TFCP2: variants seen among roughly 807,000 people sequenced by gnomAD.
TFCP2 encodes transcription factor CP2.
Under a neutral mutation model 73.4 loss-of-function variants are expected in TFCP2, and 33 were observed. That is an observed-to-expected ratio of 0.45 (90% confidence interval 0.34 to 0.60). The LOEUF is 0.60. Among genes scored for constraint, TFCP2 ranks in the 20% least tolerant of loss-of-function variants. The pLI is 0.01. For synonymous variants in TFCP2, 193 were observed against 211.6 expected (o/e 0.91, Z 0.76); for missense variants, 352 against 604.0 (o/e 0.58, Z 4.37).
intron 1 of TFCP2, among the ~76,000 whole-genome samples, chr12:51,133,828 A>C (rs1941003145): frequency 6.6e-6 from 1 of 151,752 alleles, no homozygotes; most frequent in Admixed American, 6.6e-5. Flanking sequence ...AGGCTGAGGC[A>C]CAAGAATCAC....
intron 6 of TFCP2, 75 bp from the exon 7 acceptor site, chr12:51,107,421 A>G: frequency 8.3e-7 from 1 of 1,208,474 alleles, no homozygotes; most frequent in East Asian, 2.3e-5. Context: ...AAAAACTTAA[A>G]TATTCATGTA....
intron 1 of TFCP2, among the ~76,000 whole-genome samples, chr12:51,151,863 A>C (rs928691129): frequency 3.9e-5 from 6 of 152,238 alleles, no homozygotes; most frequent in African/African-American, 1.4e-4. Flanking sequence ...TAAAGTAAGA[A>C]TCTATGAGTC....
At chr12:51,172,237 T>C in intron 1 of TFCP2, 64 bp downstream of exon 1, 1 of 1,595,834 alleles carries the variant, frequency 6.3e-7, no homozygotes, top group East Asian at 2.2e-5. Context: ...ACTCAACCCC[T>C]TTTCTTAGTG....
Position 51,172,283 on chromosome 12 carries a change from T to G in TFCP2, c.122+18A>C. 1.2e-6 allele frequency: 2 copies of G among 1,613,774 alleles called. No individual in the cohort carries two copies. Among genetic ancestry groups the G allele is most frequent in the Non-Finnish European group, 1.7e-6 (2 of 1,179,814 alleles). On this transcript the variant is annotated intron_variant, in intron 1 of 14. Coordinates refer to ENST00000257915, the MANE Select transcript of TFCP2 (RefSeq NM_005653.5). ...TTTGTTATTCAGAAGGTGTAGGGTC[T>G]GGGAAAATCTCACTCACCTCATGCT...
chr12:51,160,299 C>T (rs1941622575), intron 1 of TFCP2, among the ~76,000 whole-genome samples: 1 of 152,040 alleles, frequency 6.6e-6, no homozygotes, highest in African/African-American at 2.4e-5. Flanking sequence ...CCATGCCCAG[C>T]TAATTTTTTG....
intron 1 of TFCP2, among the ~76,000 whole-genome samples, chr12:51,129,652 G>C (rs924571171): frequency 1.3e-5 from 2 of 152,016 alleles, no homozygotes; most frequent in African/African-American, 4.8e-5. Flanking sequence ...GTTCTGTAAA[G>C]AGATTTCAAT....
chr12:51,170,995 A>T (rs188925482), intron 1 of TFCP2, among the ~76,000 whole-genome samples: 72 of 152,134 alleles, frequency 4.7e-4, no homozygotes, highest in Admixed American at 4.3e-3. Flanking sequence ...TTAAATTCTA[A>T]CTCATAATTT....
chr12:51,109,131 T>C lies in TFCP2; in HGVS notation c.707A>G (p.Lys236Arg). The C allele has an allele frequency of 5.0e-6, 8 of 1,614,200 alleles. No homozygotes were observed. Among genetic ancestry groups the C allele is most frequent in the Non-Finnish European group, 6.8e-6 (8 of 1,180,020 alleles). Residue 236 changes from lysine to arginine, a missense_variant, in exon 6 of 15, where the codon AAA becomes AGA. Around this residue, in one of 6 missense-constraint regions of TFCP2, gnomAD observed 47 missense variants for 89.1 expected, o/e 0.53. Coordinates refer to ENST00000257915, the MANE Select transcript of TFCP2 (RefSeq NM_005653.5). ...ATTGCCCAGGAATACCTTGAAAACT[T>C]TGATCTGGCAGCTGGCCGAGTGTAA... Reference protein sequence around the residue: ...EHLHSASCQIKVFKPKGADRK... With the variant: ...EHLHSASCQIRVFKPKGADRK...
chr12:51,109,098 G>C, intron 6 of TFCP2, 23 bp downstream of exon 6: 5 of 1,612,414 alleles, frequency 3.1e-6, no homozygotes, highest in Non-Finnish European at 4.2e-6. Context: ...GAATCCAAGG[G>C]CCAGCACATT....
intron 1 of TFCP2, among the ~76,000 whole-genome samples, chr12:51,128,690 G>A (rs1940870293): frequency 6.6e-6 from 1 of 152,142 alleles, no homozygotes; most frequent in Non-Finnish European, 1.5e-5. Flanking sequence ...AAGTTAAGTG[G>A]CTTCACAGAC....
intron 1 of TFCP2, among the ~76,000 whole-genome samples, chr12:51,161,920 A>C (rs1285831293): frequency 1.3e-5 from 2 of 151,498 alleles, no homozygotes; most frequent in African/African-American, 4.8e-5. Context: ...AAAAAACTAA[A>C]GGAAATCAGG....
chr12:51,120,938 GA>G (rs1298897387), intron 1 of TFCP2, among the ~76,000 whole-genome samples: 1 of 136,780 alleles, frequency 7.3e-6, no homozygotes, highest in African/African-American at 2.7e-5. Flanking sequence ...AAGGTAAAAA[GA>G]GTAGTAACAT....
intron 1 of TFCP2, among the ~76,000 whole-genome samples, chr12:51,161,410 G>C (rs1230435265): frequency 6.6e-6 from 1 of 151,924 alleles, no homozygotes; most frequent in African/African-American, 2.4e-5. Context: ...GCTGGGCACA[G>C]TGGCTCACGC....
intron 1 of TFCP2, among the ~76,000 whole-genome samples, chr12:51,135,326 C>T (rs544442833): frequency 6.6e-6 from 1 of 151,954 alleles, no homozygotes; most frequent in Non-Finnish European, 1.5e-5. Context: ...ACTCGGGAGG[C>T]TGAAGCAGGA....
Position 51,116,432 on chromosome 12 carries a change from C to A in TFCP2, c.352-12G>T. ...ACACGGAATATACTCTAAAAGGATACAACAAAATCAGATGATAACAAGACC... is the reference window on the plus strand; with the variant it reads ...ACACGGAATATACTCTAAAAGGATAAAACAAAATCAGATGATAACAAGACC... On this transcript the variant is annotated splice_polypyrimidine_tract_variant and intron_variant, in intron 3 of 14. Transcript: ENST00000257915. 6.8e-7 allele frequency: 1 copy of A among 1,476,408 alleles called. No homozygotes were observed. The highest frequency in any genetic ancestry group is 9.3e-7 in the Non-Finnish European group (1 of 1,079,864). The allele number at this position is 1,476,408 out of a possible 1,614,324, so 91.5% of individuals were successfully genotyped here.
intron 1 of TFCP2, among the ~76,000 whole-genome samples, chr12:51,120,058 G>A (rs1344313668): frequency 6.6e-6 from 1 of 150,830 alleles, no homozygotes; most frequent in Non-Finnish European, 1.5e-5. Flanking sequence ...GCATGCCTGT[G>A]GTCCCAGATA....
intron 8 of TFCP2, 79 bp downstream of exon 8, chr12:51,106,446 A>G: frequency 1.9e-6 from 2 of 1,072,774 alleles, no homozygotes; most frequent in Non-Finnish European, 2.7e-6. Context: ...TTGATTTAAA[A>G]AAGATCTTGT....
chr12:51,139,023 G>A (rs1941128830), intron 1 of TFCP2, among the ~76,000 whole-genome samples: 1 of 152,150 alleles, frequency 6.6e-6, no homozygotes, highest in African/African-American at 2.4e-5. Flanking sequence ...ACCTGATGAT[G>A]CAATCAAAGC....
In TFCP2 at chr12:51,094,008, C is replaced by T. The variant is rs541057397; in HGVS notation, c.*1233G>A. 6.6e-6 allele frequency: 1 copy of T among 151,512 alleles called. No individual in the cohort carries two copies. Among genetic ancestry groups the T allele is most frequent in the African/African-American group, 2.4e-5 (1 of 40,958 alleles). 9.4% of individuals were successfully genotyped at this position (151,512 alleles called of 1,614,324 possible). A position where few individuals can be genotyped will look rare whatever the true frequency, so the allele number is the denominator to read the frequency against. ...ACTTACACACACACACACACACACA[C>T]ACAATCATTCTTAAGGAAGAACAAA... On this transcript the variant is annotated 3_prime_UTR_variant, in exon 15 of 15. Coordinates refer to ENST00000257915, the MANE Select transcript of TFCP2 (RefSeq NM_005653.5).
Sources: gnomAD v4.1 joint callset for allele counts (sites outside exome capture counted in the v4.1 genomes callset) on GRCh38, gnomAD v4.1.1 for gene constraint, gnomAD v4.1.1 regional missense constraint, MANE v1.5 for transcripts, NCBI Gene and HGNC (gene_info 2026-07-23, HGNC 2026-07-21) for gene names.